Variants in TBCD observed in about 807,000 individuals in gnomAD.
TBCD encodes the protein tubulin-specific chaperone D.
A neutral mutation model predicts 169.3 loss-of-function variants in TBCD; 105 were observed. The ratio of observed to expected loss-of-function variants is 0.62; its 90% CI spans 0.53 to 0.73. The LOEUF (loss-of-function observed/expected upper bound fraction) is 0.73, where lower values mean the gene tolerates loss of function less well. Among genes scored for constraint, TBCD ranks in the 30% least tolerant of loss-of-function variants. The probability of loss-of-function intolerance (pLI) is 0.00; values close to 1 mark genes in which losing one functional copy is unlikely to be tolerated. For missense variants in TBCD, 1,444 were observed against 1,600.1 expected, an observed-to-expected ratio of 0.90 and a Z score of 1.66; for synonymous variants, 700 against 643.9, an observed-to-expected ratio of 1.09 and a Z score of -1.32.
At chr17:82,775,123 G>T (rs2048508068) in intron 6 of TBCD, among the ~76,000 whole-genome samples, 1 of 152,198 alleles carries the variant, frequency 6.6e-6, no homozygotes. Context: ...CGGGATCCCG[G>T]GCGGACTCCC....
In TBCD at chr17:82,870,231, C is replaced by G; in HGVS notation, c.1326C>G (p.Ala442=). 6.2e-7 allele frequency: 1 copy of G among 1,613,026 alleles called. No individual in the cohort carries two copies. The highest frequency in any genetic ancestry group is 8.5e-7 in the Non-Finnish European group (1 of 1,179,874). Residue 442 remains alanine (A), a synonymous_variant, in exon 14 of 39, where the codon GCC becomes GCG. Coordinates refer to ENST00000355528, the MANE Select transcript of TBCD (RefSeq NM_005993.5). ...LLPSRLVDVV[A]VILKALTYDE... ...TCTCTTGTCCTTGCCCAGTTGTCGCCGTGATCCTGAAGGCGCTGACCTACG... is the reference window on the plus strand; with the variant it reads ...TCTCTTGTCCTTGCCCAGTTGTCGCGGTGATCCTGAAGGCGCTGACCTACG...
intron 23 of TBCD, among the ~76,000 whole-genome samples, chr17:82,917,239 C>G (rs186276078): frequency 4.6e-5 from 7 of 152,104 alleles, no homozygotes; most frequent in Admixed American, 1.3e-4. Flanking sequence ...AGGCTGGTCT[C>G]GATCTCTTGA....
intron 27 of TBCD, 135 bp from the exon 28 acceptor site, chr17:82,926,265 C>A (rs895509709): frequency 1.3e-6 from 1 of 794,366 alleles, no homozygotes; most frequent in Admixed American, 2.2e-5. Flanking sequence ...CATGGATGGC[C>A]GTGAGGAAGG....
At chr17:82,788,878 A>G (rs1488083200) in intron 7 of TBCD, among the ~76,000 whole-genome samples, 1 of 152,202 alleles carries the variant, frequency 6.6e-6, no homozygotes, top group African/African-American at 2.4e-5. Flanking sequence ...CTCACCGCAG[A>G]GGCTGGTGTG....
intron 27 of TBCD, among the ~76,000 whole-genome samples, chr17:82,925,462 C>T (rs1173712189): frequency 2.0e-5 from 3 of 152,158 alleles, no homozygotes; most frequent in Admixed American, 6.5e-5. Flanking sequence ...AGGTCAGCCC[C>T]ACGCTGGCCT....
chr17:82,916,481 G>A (rs2147058406), intron 23 of TBCD, among the ~76,000 whole-genome samples: 1 of 151,538 alleles, frequency 6.6e-6, no homozygotes, highest in South Asian at 2.1e-4. Flanking sequence ...CTGACCTCAG[G>A]TGATCCACCC....
rs546496985 is a variant in TBCD, at chr17:82,875,075, A to G, written c.1475+4695A>G. On this transcript the variant is annotated intron_variant, in intron 14 of 38. Transcript: ENST00000355528. ...GGGGGTTTAGTGGCTCACTTTTTCT[A>G]ATTGGTTCCTAGCTTTTTGCTAAAG... Among the ~76,000 whole-genome samples, 212 of 151,948 alleles carry G rather than the reference A, an allele frequency of 1.4e-3. 1 individual carries two copies. Among genetic ancestry groups the G allele is most frequent in the African/African-American group, 4.9e-3 (205 of 41,422 alleles).
chr17:82,869,573 A>C (rs968148826), intron 13 of TBCD, among the ~76,000 whole-genome samples: 6 of 152,184 alleles, frequency 3.9e-5, no homozygotes, highest in Admixed American at 1.3e-4. Flanking sequence ...ATTACCCATT[A>C]ACCCACTTTT....
At chr17:82,784,719 G>C (rs2049178748) in intron 7 of TBCD, among the ~76,000 whole-genome samples, 1 of 152,170 alleles carries the variant, frequency 6.6e-6, no homozygotes, top group Non-Finnish European at 1.5e-5. Context: ...TGGGTGTACA[G>C]ACAGCCTCCC....
intron 12 of TBCD, among the ~76,000 whole-genome samples, chr17:82,813,016 A>G (rs940175576): frequency 4.6e-5 from 7 of 152,024 alleles, no homozygotes; most frequent in African/African-American, 1.7e-4. Context: ...AGAGATGGGG[A>G]CTTGCTATGT....
chr17:82,806,756 G>A lies in TBCD; in HGVS notation c.1087+745G>A, dbSNP rs924180498. ...CAGTCATCTGCACCCCACCTCGACC[G>A]TGACCATCAGGGCGCCTGTGGCACC... On this transcript the variant is annotated intron_variant, in intron 10 of 38. Coordinates refer to ENST00000355528, the MANE Select transcript of TBCD (RefSeq NM_005993.5). This position sits in a 1 kb window ranked among gnomAD's most constrained non-coding sequence, Gnocchi z 5.1. 6.6e-6 allele frequency among the ~76,000 whole-genome samples: 1 copy of A among 152,140 alleles called. No homozygotes were observed. Among genetic ancestry groups the A allele is most frequent in the Admixed American group, 6.5e-5 (1 of 15,280 alleles).
In TBCD at chr17:82,900,744, T is replaced by G. The variant is rs1273203707; in HGVS notation, c.1730+13T>G. The G allele has an allele frequency of 6.8e-6, 11 of 1,610,938 alleles. No homozygotes were observed. Among genetic ancestry groups the G allele is most frequent in the Non-Finnish European group, 9.3e-6 (11 of 1,177,250 alleles). On this transcript the variant is annotated intron_variant, in intron 18 of 38. Coordinates refer to ENST00000355528, the MANE Select transcript of TBCD (RefSeq NM_005993.5). ...GCCACTGGGATGGGTAGGTTTTCTG[T>G]TTTTGTTTTTCTAAGAGCTTTTTTT... is the stretch of plus-strand genomic sequence containing the variant.
In TBCD at chr17:82,920,919, A is replaced by T; in HGVS notation, c.2101+301A>T. 1 of 399,172 alleles carries T rather than the reference A, an allele frequency of 2.5e-6. No individual in the cohort carries two copies. The highest frequency in any genetic ancestry group is 4.5e-6 in the Non-Finnish European group (1 of 220,366). The allele number at this position is 399,172 out of a possible 1,614,324, so 24.7% of individuals were successfully genotyped here. A position where few individuals can be genotyped will look rare whatever the true frequency, so the allele number is the denominator to read the frequency against. Reference sequence around the variant, plus strand: ...TTCTTCTCCCAGGCAGACAGTCGGGAGCTGCAGCCACCCAGGCCCTCGTGG... The same window carrying T: ...TTCTTCTCCCAGGCAGACAGTCGGGTGCTGCAGCCACCCAGGCCCTCGTGG... On this transcript the variant is annotated intron_variant, in intron 24 of 38. Coordinates refer to ENST00000355528, the MANE Select transcript of TBCD (RefSeq NM_005993.5). The surrounding 1 kb of genome is among the most constrained non-coding windows in gnomAD (Gnocchi z 4.1).
At chr17:82,837,665 T>TC (rs945929141) in intron 13 of TBCD, among the ~76,000 whole-genome samples, 3 of 152,180 alleles carry the variant, frequency 2.0e-5, no homozygotes, top group Admixed American at 2.0e-4. Context: ...TTCATCCTCC[T>TC]CTCATTTCCC....
intron 13 of TBCD, among the ~76,000 whole-genome samples, chr17:82,862,032 C>T (rs2056810546): frequency 6.6e-6 from 1 of 152,026 alleles, no homozygotes; most frequent in Non-Finnish European, 1.5e-5. Context: ...ACGCCATTCT[C>T]CTGCCTCAGC....
chr17:82,836,723 A>C (rs557502524), intron 13 of TBCD, among the ~76,000 whole-genome samples: 22 of 151,702 alleles, frequency 1.5e-4, no homozygotes, highest in Non-Finnish European at 2.2e-4. Context: ...ACCAAAAAAC[A>C]AAAAAACAAA....
In TBCD at chr17:82,944,028, G is replaced by A. The variant is rs1041430606; in HGVS notation, c.*1565G>A. ...CATCGCCATGCCTGCAGCTCACAAAGCTCCTGCTGGCCTGGGATGCACTGA... is the reference window on the plus strand; with the variant it reads ...CATCGCCATGCCTGCAGCTCACAAAACTCCTGCTGGCCTGGGATGCACTGA... On this transcript the variant is annotated 3_prime_UTR_variant, in exon 39 of 39. Transcript: ENST00000355528. 6.6e-6 allele frequency: 1 copy of A among 152,242 alleles called. No individual in the cohort carries two copies. The highest frequency in any genetic ancestry group is 2.4e-5 in the African/African-American group (1 of 41,458). 9.4% of individuals were successfully genotyped at this position (152,242 alleles called of 1,614,324 possible).
In TBCD at chr17:82,923,743, G is replaced by A; in HGVS notation, c.2260+10G>A. ...GATCCCGCAATTCAGGGTGAGTGGG[G>A]AGCCCTTTTCTTGAAGACTCCAGGG... On this transcript the variant is annotated intron_variant, in intron 26 of 38. Coordinates refer to ENST00000355528, the MANE Select transcript of TBCD (RefSeq NM_005993.5). The surrounding 1 kb of genome is among the most constrained non-coding windows in gnomAD (Gnocchi z 4.6). The A allele has an allele frequency of 6.3e-7, 1 of 1,590,516 alleles. No individual in the cohort carries two copies. Among genetic ancestry groups the A allele is most frequent in the Non-Finnish European group, 8.6e-7 (1 of 1,168,886 alleles).
At position 82,782,254 on chromosome 17, in the gene TBCD, G is replaced by C. The variant is rs1037034254; in HGVS notation, c.771+533G>C. On this transcript the variant is annotated intron_variant, in intron 7 of 38. Transcript: ENST00000355528. The surrounding 1 kb of genome is among the most constrained non-coding windows in gnomAD (Gnocchi z 5.1). ...ATTGTCTCTTGTGTTACCTTTTCTT[G>C]TGCTAACGAGGAGGAAAGGTCAAGT... Among the ~76,000 whole-genome samples the C allele has an allele frequency of 3.3e-5, 5 of 152,110 alleles. No homozygotes were observed. The highest frequency in any genetic ancestry group is 4.8e-5 in the African/African-American group (2 of 41,418).
Sources: allele counts gnomAD v4.1 joint callset (sites outside exome capture counted in the v4.1 genomes callset), GRCh38; gene constraint gnomAD v4.1.1; non-coding constraint Gnocchi (gnomAD v3.1); transcripts MANE v1.5; gene names NCBI Gene and HGNC (gene_info 2026-07-23, HGNC 2026-07-21).